Variants in CLYBL observed in about 807,000 individuals in gnomAD.
The protein encoded by CLYBL is citramalyl-CoA lyase.
In CLYBL, 31 loss-of-function variants were observed where a neutral mutation model predicts 38.9. The observed-to-expected ratio is 0.80, with a 90% confidence interval of 0.60 to 1.08. The LOEUF (loss-of-function observed/expected upper bound fraction) is 1.08. CLYBL is among the 50% of genes least tolerant of loss of function. The probability of loss-of-function intolerance (pLI) is 0.00; values close to 1 mark genes in which losing one functional copy is unlikely to be tolerated. For synonymous variants in CLYBL, 171 were observed against 158.6 expected, an observed-to-expected ratio of 1.08 and a Z score of -0.59; for missense variants, 434 against 411.6, an observed-to-expected ratio of 1.05 and a Z score of -0.47.
chr13:99,750,902 A>G (rs1336411912), intron 1 of CLYBL, among the ~76,000 whole-genome samples: 1 of 152,152 alleles, frequency 6.6e-6, no homozygotes, highest in Non-Finnish European at 1.5e-5. Context: ...TTTTAAAAAT[A>G]TTTGAATGGA....
intron 2 of CLYBL, among the ~76,000 whole-genome samples, chr13:99,809,271 T>G (rs976003734): frequency 1.3e-5 from 2 of 152,230 alleles, no homozygotes; most frequent in African/African-American, 2.4e-5. Flanking sequence ...CAAGAGTATC[T>G]ACACAAGGGG....
chr13:99,875,458 T>C (rs2052014273), intron 7 of CLYBL, among the ~76,000 whole-genome samples: 1 of 152,224 alleles, frequency 6.6e-6, no homozygotes. Context: ...AGGTGTCTGA[T>C]TGCTGCTCGC....
intron 1 of CLYBL, among the ~76,000 whole-genome samples, chr13:99,685,949 A>G (rs996390318): frequency 1.3e-5 from 2 of 152,096 alleles, no homozygotes; most frequent in Non-Finnish European, 1.5e-5. Context: ...GCGACAGAAC[A>G]AGACCCTGTT....
intron 1 of CLYBL, among the ~76,000 whole-genome samples, chr13:99,707,333 G>A (rs1465200842): frequency 6.6e-5 from 10 of 151,900 alleles, no homozygotes. Context: ...GTAGTGGTGC[G>A]ATCTCGGCTC....
intron 2 of CLYBL, among the ~76,000 whole-genome samples, chr13:99,803,985 A>G (rs1444898084): frequency 6.6e-6 from 1 of 152,220 alleles, no homozygotes; most frequent in African/African-American, 2.4e-5. Context: ...GAAACAGCGG[A>G]AGATGCTGAG....
At chr13:99,707,569 G>A (rs184137890) in intron 1 of CLYBL, among the ~76,000 whole-genome samples, 1 of 152,244 alleles carries the variant, frequency 6.6e-6, no homozygotes, top group East Asian at 1.9e-4. Flanking sequence ...ATTGCACCCA[G>A]CCTGGATTAA....
intron 1 of CLYBL, among the ~76,000 whole-genome samples, chr13:99,650,242 G>A (rs1372913665): frequency 4.0e-5 from 6 of 151,264 alleles, no homozygotes; most frequent in South Asian, 4.2e-4. Flanking sequence ...CAGCCTGGGC[G>A]ACAGAGCCAG....
chr13:99,756,251 C>T (rs2049061062), intron 1 of CLYBL, among the ~76,000 whole-genome samples: 1 of 152,202 alleles, frequency 6.6e-6, no homozygotes, highest in African/African-American at 2.4e-5. Context: ...GTAATTGATA[C>T]CTATCTCCCC....
At chr13:99,793,603 T>G (rs980223003) in intron 2 of CLYBL, among the ~76,000 whole-genome samples, 1 of 152,266 alleles carries the variant, frequency 6.6e-6, no homozygotes, top group Middle Eastern at 3.4e-3. Context: ...CAACAAAAAA[T>G]TTTTTCTCAT....
intron 2 of CLYBL, among the ~76,000 whole-genome samples, chr13:99,831,346 T>C (rs1333799999): frequency 6.6e-6 from 1 of 152,188 alleles, no homozygotes; most frequent in Non-Finnish European, 1.5e-5. Flanking sequence ...GCAAGGTCTC[T>C]TTTCCTAATT....
At chr13:99,769,345 G>C (rs1449202903) in intron 1 of CLYBL, among the ~76,000 whole-genome samples, 1 of 152,108 alleles carries the variant, frequency 6.6e-6, no homozygotes, top group Non-Finnish European at 1.5e-5. Context: ...AGTTACAGCA[G>C]GAAGATTTTG....
rs534176394 is a variant in CLYBL at position 99,633,923 on chromosome 13, T to C, written c.62+27166T>C. On this transcript the variant is annotated intron_variant, in intron 1 of 8. Coordinates refer to ENST00000339105, the MANE Select transcript of CLYBL (RefSeq NM_206808.5). ...GTACCAAGCAGTCTAACATGTATAGTTGGAGTTCCAGAAGCAAAAAAGAGA... is the reference window on the plus strand; with the variant it reads ...GTACCAAGCAGTCTAACATGTATAGCTGGAGTTCCAGAAGCAAAAAAGAGA... 2.4e-4 allele frequency among the ~76,000 whole-genome samples: 36 copies of C among 152,260 alleles called. No homozygotes were observed. The South Asian group carries it at 6.8e-3, about 29-fold the overall frequency.
chr13:99,703,235 G>A (rs936488055), intron 1 of CLYBL, among the ~76,000 whole-genome samples: 1 of 152,228 alleles, frequency 6.6e-6, no homozygotes, highest in South Asian at 2.1e-4. Flanking sequence ...CAGGCGATCA[G>A]TTGGGGCCAC....
At chr13:99,749,421 C>G (rs1307965455) in intron 1 of CLYBL, among the ~76,000 whole-genome samples, 1 of 152,060 alleles carries the variant, frequency 6.6e-6, no homozygotes, top group Non-Finnish European at 1.5e-5. Context: ...ATAGAGTGGC[C>G]AGGGTAGACC....
rs114090118 is a variant in CLYBL at position 99,637,962 on chromosome 13, C to T, written c.62+31205C>T. Among the ~76,000 whole-genome samples the T allele has an allele frequency of 8.5e-3, 805 of 95,014 alleles. 14 individuals carry two copies. The highest frequency in any genetic ancestry group is 0.03 in the African/African-American group (771 of 25,586). The allele number at this position is 95,014 out of a possible 152,430, so 62.3% of individuals were successfully genotyped here. On this transcript the variant is annotated intron_variant, in intron 1 of 8. Transcript: ENST00000339105. ...ATCTAGTTATCCAAGTCAACAGTGC[C>T]TTTTTTTTTTTTTTTTTTTGAGACA...
intron 2 of CLYBL, among the ~76,000 whole-genome samples, chr13:99,801,079 T>A (rs2050126245): frequency 6.6e-6 from 1 of 152,008 alleles, no homozygotes; most frequent in Non-Finnish European, 1.5e-5. Context: ...AGCTGAGGCT[T>A]AAATAACATC....
intron 1 of CLYBL, among the ~76,000 whole-genome samples, chr13:99,639,011 A>G (rs897148293): frequency 3.9e-5 from 6 of 152,108 alleles, no homozygotes; most frequent in African/African-American, 1.4e-4. Flanking sequence ...CTTGTCTCTT[A>G]TGTATGCTTT....
intron 2 of CLYBL, among the ~76,000 whole-genome samples, chr13:99,827,313 G>T (rs2050713899): frequency 6.6e-6 from 1 of 152,166 alleles, no homozygotes; most frequent in Non-Finnish European, 1.5e-5. Context: ...TGGCTTGGGT[G>T]GAGCCCCTGA....
intron 2 of CLYBL, among the ~76,000 whole-genome samples, chr13:99,805,486 C>T (rs117268805): frequency 0.01 from 1,583 of 152,040 alleles, 24 homozygotes; most frequent in South Asian, 0.058. Context: ...TCAACACTCT[C>T]GGTGAGAAAG....
Sources: allele counts gnomAD v4.1 joint callset (sites outside exome capture counted in the v4.1 genomes callset), GRCh38; gene constraint gnomAD v4.1.1; transcripts MANE v1.5; gene names NCBI Gene and HGNC (gene_info 2026-07-23, HGNC 2026-07-21).